The following ADH7 variants were observed in gnomAD, a reference collection of about 807,000 sequenced individuals.
ADH7 encodes the protein all-trans-retinol dehydrogenase [NAD(+)] ADH7.
ADH7 carries 41 observed loss-of-function variants against 34.4 expected under a neutral mutation model. The observed-to-expected ratio is 1.19, with a 90% CI of 0.93 to 1.55. The LOEUF is 1.55. Ranked by LOEUF, ADH7 falls within the 40% of genes most tolerant of loss-of-function variation. The pLI is 0.00. For missense variants in ADH7, 540 were observed against 461.2 expected, an observed-to-expected ratio of 1.17 and a Z score of -1.56; for synonymous variants, 180 against 160.9, an observed-to-expected ratio of 1.12 and a Z score of -0.90.
In ADH7 at chr4:99,429,568, T is replaced by A; in HGVS notation, c.84A>T (p.Glu28Asp). The change falls in exon 2 of 9, where the codon GAA becomes GAT. Residue 28 changes from glutamate to aspartate, a missense_variant. Physicochemically the swap from Glu to Asp is conservative, Grantham distance 45. Coordinates refer to ENST00000437033, the MANE Select transcript of ADH7 (RefSeq NM_000673.7). ...QKQPFSIEEIEVAPPKTKEVR... is the reference protein window; with the variant it reads ...QKQPFSIEEIDVAPPKTKEVR... ...CTTCTTTAGTCTTTGGTGGGGCAAC[T>A]TCTATTTCCTCAATGGAGAAGGGTT... 3 of 1,612,468 alleles carry A rather than the reference T, an allele frequency of 1.9e-6. No homozygotes were observed. The highest frequency in any genetic ancestry group is 2.5e-6 in the Non-Finnish European group (3 of 1,179,214).
rs764882497 is a variant in ADH7, at chr4:99,427,852, T to A, written c.485A>T (p.Asp162Val). The A allele has an allele frequency of 6.2e-7, 1 of 1,613,160 alleles. No homozygotes were observed. Among genetic ancestry groups the A allele is most frequent in the East Asian group, 2.2e-5 (1 of 44,858 alleles). The change falls in exon 5 of 9, where the codon GAT (aspartate) becomes GTT (valine). Residue 162 changes from aspartate to valine, a missense_variant. Physicochemically the swap from Asp to Val is radical, Grantham distance 152 (BLOSUM62 -3). Transcript: ENST00000437033. ...ACAGACTTTCTCAGGAGGAGCTGCA[T>A]CATCAATCTTAGCAACAGAAGATTC... ...VDESSVAKID[D>V]AAPPEKVCLI...
At chr4:99,421,406 T>G (rs1402997665) in intron 5 of ADH7, among the ~76,000 whole-genome samples, 1 of 152,158 alleles carries the variant, frequency 6.6e-6, no homozygotes, top group Non-Finnish European at 1.5e-5. Flanking sequence ...GGGGAAAGGA[T>G]TCCCTATTTA....
At chr4:99,417,670 T>G (rs538461679) in intron 7 of ADH7, among the ~76,000 whole-genome samples, 1 of 152,258 alleles carries the variant, frequency 6.6e-6, no homozygotes, top group South Asian at 2.1e-4. Context: ...GGACTTGGTA[T>G]GTTTTGTCTC....
At chr4:99,426,084 C>G (rs1721797974) in intron 5 of ADH7, among the ~76,000 whole-genome samples, 1 of 152,128 alleles carries the variant, frequency 6.6e-6, no homozygotes, top group Admixed American at 6.5e-5. Context: ...ATTTACAGCA[C>G]TAAATGCCCA....
At chr4:99,435,088 C>T (rs1043872318) in intron 1 of ADH7, 128 bp downstream of exon 1, 1 of 1,549,424 alleles carries the variant, frequency 6.5e-7, no homozygotes, top group Non-Finnish European at 8.7e-7. Context: ...TGTATGCCTG[C>T]TCACCAAGCA....
chr4:99,433,448 T>C (rs1274016086), intron 1 of ADH7, among the ~76,000 whole-genome samples: 1 of 152,202 alleles, frequency 6.6e-6, no homozygotes, highest in African/African-American at 2.4e-5. Flanking sequence ...ATATTATGAT[T>C]GATTTTTTTC....
Position 99,428,510 on chromosome 4 carries a change from C to A in ADH7, c.241G>T (p.Val81Leu). 6.2e-7 allele frequency: 1 copy of A among 1,613,468 alleles called. No individual in the cohort carries two copies. The highest frequency in any genetic ancestry group is 1.1e-5 in the South Asian group (1 of 90,904). Residue 81 changes from valine to leucine, a missense_variant, in exon 3 of 9, where the codon GTG becomes TTG. By Grantham distance (32) the Val-to-Leu change is conservative (BLOSUM62 1). Transcript: ENST00000437033. ...CATATACCTGGTTTCACTGTAGTCA[C>A]TCCTTCTCCAATGCTCTCTACAATC... is the stretch of plus-strand genomic sequence containing the variant. ...TGIVESIGEG[V>L]TTVKPGDKVI...
rs770360681 is a variant in ADH7 at position 99,428,533 on chromosome 4, A to G, written c.218T>C (p.Ile73Thr). Reference protein sequence around the residue: ...PVIVGHEATGIVESIGEGVTT... With the variant: ...PVIVGHEATGTVESIGEGVTT... The stretch of plus-strand genomic sequence containing the variant: ...CACTCCTTCTCCAATGCTCTCTACA[A>G]TCCCAGTTGCCTCATGTCCCACAAT... Residue 73 changes from isoleucine to threonine, a missense_variant, in exon 3 of 9, where the codon ATT (isoleucine) becomes ACT (threonine). Coordinates refer to ENST00000437033, the MANE Select transcript of ADH7 (RefSeq NM_000673.7). The G allele has an allele frequency of 6.2e-7, 1 of 1,613,910 alleles. No individual in the cohort carries two copies. Among genetic ancestry groups the G allele is most frequent in the Non-Finnish European group, 8.5e-7 (1 of 1,179,886 alleles).
chr4:99,419,008 T>G lies in ADH7; in HGVS notation c.939A>C (p.Thr313=). Reference sequence around the variant, plus strand: ...GACCTCCAAAGACACATCCCTTCCATGTGCGTCCAGTGAAGAGCAACATCG... The same window carrying G: ...GACCTCCAAAGACACATCCCTTCCAGGTGCGTCCAGTGAAGAGCAACATCG... ...YDPMLLFTGR[T]WKGCVFGGLK... is the part of the protein sequence containing the mutation. The change falls in exon 7 of 9, where the codon ACA becomes ACC. Residue 313 remains threonine (T), a synonymous_variant. Coordinates refer to ENST00000437033, the MANE Select transcript of ADH7 (RefSeq NM_000673.7). 6.2e-7 allele frequency: 1 copy of G among 1,613,840 alleles called. No homozygotes were observed. The highest frequency in any genetic ancestry group is 8.5e-7 in the Non-Finnish European group (1 of 1,179,832).
intron 1 of ADH7, among the ~76,000 whole-genome samples, chr4:99,432,243 T>TA (rs1383146682): frequency 3.3e-5 from 5 of 152,146 alleles, no homozygotes; most frequent in Non-Finnish European, 7.3e-5. Context: ...ATGTTCTCAC[T>TA]TATAAGTGGA....
chr4:99,419,146 T>C (rs1721591108), intron 6 of ADH7, 25 bp from the exon 7 acceptor site: 3 of 1,607,942 alleles, frequency 1.9e-6, no homozygotes, highest in East Asian at 2.2e-5. Context: ...GAGGAGATCG[T>C]TTGCTTCCTG....
intron 2 of ADH7, among the ~76,000 whole-genome samples, chr4:99,429,063 A>G (rs764729317): frequency 6.6e-6 from 1 of 152,192 alleles, no homozygotes; most frequent in African/African-American, 2.4e-5. Flanking sequence ...TCAAAGAAAG[A>G]TTGGTAGCAA....
At chr4:99,420,417 A>G (rs1053120976) in intron 6 of ADH7, 116 bp downstream of exon 6, 4 of 1,221,318 alleles carry the variant, frequency 3.3e-6, no homozygotes, top group Middle Eastern at 2.6e-4. Flanking sequence ...AGTAAAACTG[A>G]CTATCGCAGA....
Position 99,428,144 on chromosome 4 carries a change from T to C in ADH7, c.290A>G (p.Gln97Arg). ...GCGACAAGCATTGCATTCTCTACATTGTGGCAGAAAGAGAGGGATGACTTT... is the reference window on the plus strand; with the variant it reads ...GCGACAAGCATTGCATTCTCTACATCGTGGCAGAAAGAGAGGGATGACTTT... ...GDKVIPLFLP[Q>R]CRECNACRNP... Residue 97 changes from glutamine (Q) to arginine (R), a missense_variant, in exon 4 of 9, where the codon CAA becomes CGA. Coordinates refer to ENST00000437033, the MANE Select transcript of ADH7 (RefSeq NM_000673.7). 6.2e-7 allele frequency: 1 copy of C among 1,613,878 alleles called. No individual in the cohort carries two copies. Among genetic ancestry groups the C allele is most frequent in the Non-Finnish European group, 8.5e-7 (1 of 1,179,862 alleles).
chr4:99,420,923 A>G, intron 5 of ADH7, 130 bp from the exon 6 acceptor site: 2 of 801,398 alleles, frequency 2.5e-6, no homozygotes, highest in South Asian at 1.8e-5. Flanking sequence ...AGAATAAAAT[A>G]TCTAGGAATA....
At chr4:99,424,163 A>G (rs1467664440) in intron 5 of ADH7, among the ~76,000 whole-genome samples, 1 of 152,092 alleles carries the variant, frequency 6.6e-6, no homozygotes, top group Non-Finnish European at 1.5e-5. Flanking sequence ...TGTTTTTCTC[A>G]GGTTTGTCAA....
chr4:99,434,335 A>G (rs1722001133), intron 1 of ADH7, among the ~76,000 whole-genome samples: 1 of 152,154 alleles, frequency 6.6e-6, no homozygotes, highest in Non-Finnish European at 1.5e-5. Context: ...GACCCAAATT[A>G]GGATGGTTTT....
At chr4:99,425,089 C>T (rs946269133) in intron 5 of ADH7, among the ~76,000 whole-genome samples, 1 of 152,008 alleles carries the variant, frequency 6.6e-6, no homozygotes, top group African/African-American at 2.4e-5. Flanking sequence ...CAACCGGTAC[C>T]AGCTGCTGCA....
intron 7 of ADH7, among the ~76,000 whole-genome samples, chr4:99,418,478 C>A (rs1048698122): frequency 3.9e-5 from 6 of 152,126 alleles, no homozygotes; most frequent in Non-Finnish European, 7.3e-5. Flanking sequence ...CAGAGTGGCC[C>A]TGGCTCCATC....
Sources: allele counts gnomAD v4.1 joint callset (sites outside exome capture counted in the v4.1 genomes callset), GRCh38; gene constraint gnomAD v4.1.1; transcripts MANE v1.5; gene names NCBI Gene and HGNC (gene_info 2026-07-23, HGNC 2026-07-21).